The following SLC12A1 variants were observed in gnomAD, a reference collection of about 807,000 sequenced individuals.
The protein encoded by SLC12A1 is solute carrier family 12 member 1, also known as Na-K-2Cl cotransporter.
In SLC12A1, 89 loss-of-function variants were observed where a neutral mutation model predicts 130.4. The ratio of observed to expected loss-of-function variants is 0.68; its 90% CI spans 0.58 to 0.81. The LOEUF (loss-of-function observed/expected upper bound fraction) is 0.81. Among genes scored for constraint, SLC12A1 ranks in the 40% least tolerant of loss-of-function variants. The pLI is 0.00. For missense variants in SLC12A1, 1,310 were observed against 1,336.4 expected (o/e 0.98, Z 0.31); for synonymous variants, 499 against 460.0 (o/e 1.08, Z -1.09).
intron 1 of SLC12A1, among the ~76,000 whole-genome samples, chr15:48,206,841 CTT>C (rs2040988463): frequency 6.6e-6 from 1 of 151,778 alleles, no homozygotes; most frequent in Non-Finnish European, 1.5e-5. Context: ...AGATATATGA[CTT>C]ATTTCTATAT....
chr15:48,211,504 G>A (rs1336791013), intron 2 of SLC12A1, among the ~76,000 whole-genome samples: 1 of 152,036 alleles, frequency 6.6e-6, no homozygotes, highest in Non-Finnish European at 1.5e-5. Flanking sequence ...AACATTATGT[G>A]ATTATACTCA....
At chr15:48,208,573 A>G (rs1318243479) in intron 2 of SLC12A1, among the ~76,000 whole-genome samples, 2 of 152,250 alleles carry the variant, frequency 1.3e-5, no homozygotes, top group Non-Finnish European at 2.9e-5. Flanking sequence ...TTGGCCTCCC[A>G]AAGAGATGGG....
At position 48,229,232 on chromosome 15, in the gene SLC12A1, C is replaced by A; in HGVS notation, c.768C>A (p.Phe256Leu). 6.3e-7 allele frequency: 1 copy of A among 1,593,624 alleles called. No homozygotes were observed. Among genetic ancestry groups the A allele is most frequent in the South Asian group, 1.1e-5 (1 of 87,622 alleles). The change falls in exon 6 of 27, where the codon TTC becomes TTA. Residue 256 changes from phenylalanine to leucine, a missense_variant. Coordinates refer to ENST00000380993, the MANE Select transcript of SLC12A1 (RefSeq NM_000338.3). ...TTTCCAGAAGTTTAGGGCCCGAGTT[C>A]GGTGGGTCAATAGGCCTGATCTTTG... is the stretch of plus-strand genomic sequence containing the variant. ...YLISRSLGPE[F>L]GGSIGLIFAF... is the part of the protein sequence containing the mutation.
At position 48,208,133 on chromosome 15, in the gene SLC12A1, C is replaced by T. The variant is rs778722764; in HGVS notation, c.414C>T (p.Leu138=). Residue 138 remains leucine, a synonymous_variant, in exon 2 of 27, where the codon CTC becomes CTT. Transcript: ENST00000380993. ...RPSLLEIHEQ[L]AKNVAVTPSS... ...GCCTGCTTGAGATTCACGAGCAACTCGCAAAGGTAAGCTTGAAGGACACAA... is the reference window on the plus strand; with the variant it reads ...GCCTGCTTGAGATTCACGAGCAACTTGCAAAGGTAAGCTTGAAGGACACAA... The T allele has an allele frequency of 1.6e-5, 25 of 1,580,410 alleles. No homozygotes were observed. The African/African-American group carries it at 1.8e-4, about 11-fold the overall frequency.
chr15:48,289,723 C>A (rs974005608), intron 23 of SLC12A1, among the ~76,000 whole-genome samples: 1 of 151,918 alleles, frequency 6.6e-6, no homozygotes, highest in Non-Finnish European at 1.5e-5. Flanking sequence ...AGAAATGGTA[C>A]AGTAAAAATA....
chr15:48,289,463 T>C (rs2042097505), intron 23 of SLC12A1, among the ~76,000 whole-genome samples: 1 of 122,046 alleles, frequency 8.2e-6, no homozygotes, highest in African/African-American at 4.4e-5. Context: ...TAATGTATAA[T>C]GTATAACAAT....
Position 48,234,890 on chromosome 15 carries a change from A to G in SLC12A1, c.1101A>G (p.Ala367=). The change falls in exon 9 of 27, where the codon GCA becomes GCG. Residue 367 remains alanine, a synonymous_variant. Transcript: ENST00000380993. ...TTTATGTTGCAGCATCAATATTTGC[A>G]GAAAACTTTGGGCCACGCTTCACAA... The part of the protein sequence containing the change: ...GFFNYQASIF[A]ENFGPRFTKG... 3.1e-6 allele frequency: 5 copies of G among 1,613,936 alleles called. No individual in the cohort carries two copies. The highest frequency in any genetic ancestry group is 4.2e-6 in the Non-Finnish European group (5 of 1,179,808).
At chr15:48,298,045 A>G (rs1566861149) in intron 24 of SLC12A1, among the ~76,000 whole-genome samples, 3 of 152,246 alleles carry the variant, frequency 2.0e-5, no homozygotes, top group African/African-American at 7.2e-5. Flanking sequence ...TCTCTTAACA[A>G]AGGCTCACTA....
In SLC12A1 at chr15:48,226,580, T is replaced by G; in HGVS notation, c.724+9T>G. 1 of 1,526,762 alleles carries G rather than the reference T, an allele frequency of 6.5e-7. No individual in the cohort carries two copies. The highest frequency in any genetic ancestry group is 9.1e-7 in the Non-Finnish European group (1 of 1,102,814). 94.6% of individuals were successfully genotyped at this position (1,526,762 alleles called of 1,614,324 possible). On this transcript the variant is annotated intron_variant, in intron 5 of 26. Coordinates refer to ENST00000380993, the MANE Select transcript of SLC12A1 (RefSeq NM_000338.3). ...CGGGTTTGTTCGTGGAGGTAAAATC[T>G]CTAAGATATCTAATGCCCTCATCAC...
intron 15 of SLC12A1, among the ~76,000 whole-genome samples, chr15:48,254,768 C>A (rs1437193382): frequency 6.6e-6 from 1 of 151,578 alleles, no homozygotes; most frequent in African/African-American, 2.4e-5. Flanking sequence ...TAAAAAAATA[C>A]AAAAAATTAG....
intron 2 of SLC12A1, among the ~76,000 whole-genome samples, chr15:48,215,882 T>C (rs1445562734): frequency 6.6e-6 from 1 of 152,226 alleles, no homozygotes; most frequent in East Asian, 1.9e-4. Flanking sequence ...TTAAACACCT[T>C]GATGGAGGAC....
At chr15:48,230,708 GC>G (rs921581268) in intron 7 of SLC12A1, among the ~76,000 whole-genome samples, 1 of 152,248 alleles carries the variant, frequency 6.6e-6, no homozygotes, top group African/African-American at 2.4e-5. Context: ...TCACATGACT[GC>G]CGTATTTTGT....
intron 16 of SLC12A1, among the ~76,000 whole-genome samples, chr15:48,257,450 T>C (rs2041720741): frequency 6.6e-6 from 1 of 152,284 alleles, no homozygotes; most frequent in East Asian, 1.9e-4. Flanking sequence ...AGGTTCTCCA[T>C]GAGTGCTCTG....
chr15:48,259,417 A>C lies in SLC12A1; in HGVS notation c.2154+106A>C, dbSNP rs34466479. On this transcript the variant is annotated intron_variant, in intron 17 of 26. Transcript: ENST00000380993. ...TGCAGTGACAGGAAAATAGCAAAAA[A>C]ACAGTTTATAGGAGAGCCCTCTACC... 5.8e-3 allele frequency: 4,674 copies of C among 810,402 alleles called. 54 individuals are homozygous for C. Among genetic ancestry groups the C allele is most frequent in the Middle Eastern group, 0.031 (121 of 3,952 alleles). The allele number at this position is 810,402 out of a possible 1,614,324, so 50.2% of individuals were successfully genotyped here. A position where few individuals can be genotyped will look rare whatever the true frequency, so the allele number is the denominator to read the frequency against.
At chr15:48,277,733 TACTCTA>T (rs2041968477) in intron 20 of SLC12A1, among the ~76,000 whole-genome samples, 3 of 152,198 alleles carry the variant, frequency 2.0e-5, no homozygotes, top group African/African-American at 7.2e-5. Flanking sequence ...GATCGATTCA[TACTCTA>T]TTTGCTGGTT....
chr15:48,287,933 A>G, intron 21 of SLC12A1, 110 bp from the exon 22 acceptor site: 1 of 1,210,002 alleles, frequency 8.3e-7, no homozygotes, highest in Non-Finnish European at 1.1e-6. Flanking sequence ...TAGGTATAAT[A>G]AACATGAATC....
chr15:48,247,888 A>C (rs1235764743), intron 13 of SLC12A1, among the ~76,000 whole-genome samples: 1 of 152,166 alleles, frequency 6.6e-6, no homozygotes, highest in African/African-American at 2.4e-5. Context: ...TTCAGGCCCA[A>C]TTCCAGAGTA....
rs181598098 is a variant in SLC12A1, at chr15:48,209,836, T to C, written c.420+1697T>C. Among the ~76,000 whole-genome samples, 6 of 152,250 alleles carry C rather than the reference T, an allele frequency of 3.9e-5. No homozygotes were observed. In the East Asian group the frequency reaches 1.2e-3, roughly 29 times the overall value. ...GGAGGAGCCCATGTTTTTAATTTTG[T>C]TTCCTTGTCCCCTTTCCCCACCAAA... On this transcript the variant is annotated intron_variant, in intron 2 of 26. Transcript: ENST00000380993.
At chr15:48,273,300 G>A (rs940835597) in intron 19 of SLC12A1, among the ~76,000 whole-genome samples, 4 of 152,064 alleles carry the variant, frequency 2.6e-5, no homozygotes, top group African/African-American at 9.7e-5. Context: ...AGCGATGGCT[G>A]GTCAAGTTCC....
Sources: allele counts gnomAD v4.1 joint callset (sites outside exome capture counted in the v4.1 genomes callset), GRCh38; gene constraint gnomAD v4.1.1; transcripts MANE v1.5; gene names NCBI Gene and HGNC (gene_info 2026-07-23, HGNC 2026-07-21).